Variants in MUC13 observed in about 807,000 individuals in gnomAD.
MUC13 encodes the protein mucin-13.
A neutral mutation model predicts 48.3 loss-of-function variants in MUC13; 32 were observed. The observed-to-expected ratio is 0.66, with a 90% CI of 0.50 to 0.89. MUC13 has a LOEUF of 0.89. MUC13 is among the 40% of genes least tolerant of loss of function. MUC13 has a pLI of 0.00. For synonymous variants in MUC13, 199 were observed against 224.9 expected, an observed-to-expected ratio of 0.88 and a Z score of 1.03; for missense variants, 571 against 622.8, an observed-to-expected ratio of 0.92 and a Z score of 0.88.
chr3:124,913,398 A>G (rs1284147404), intron 7 of MUC13, among the ~76,000 whole-genome samples, 158 bp from the exon 8 acceptor site: 5 of 152,260 alleles, frequency 3.3e-5, no homozygotes, highest in Admixed American at 3.3e-4. Flanking sequence ...GAAGCTGGAC[A>G]TGGGCTAGCA....
intron 9 of MUC13, among the ~76,000 whole-genome samples, chr3:124,911,614 TG>T (rs1935421296): frequency 7.7e-6 from 1 of 130,654 alleles, no homozygotes. Flanking sequence ...CTTAATCTGG[TG>T]GGGGTGGGGC....
At chr3:124,933,991 A>C (rs577844097) in intron 1 of MUC13, among the ~76,000 whole-genome samples, 2 of 152,304 alleles carry the variant, frequency 1.3e-5, no homozygotes, top group South Asian at 2.1e-4. Context: ...ATTCAAGTAC[A>C]TTTGTGAAAG....
chr3:124,912,935 C>CAA (rs1175714352), intron 8 of MUC13, among the ~76,000 whole-genome samples, 176 bp downstream of exon 8: 1,200 of 39,810 alleles, frequency 0.03, 25 homozygotes, highest in Non-Finnish European at 0.045. Context: ...GACTCCATCT[C>CAA]AAAAAAAAAA....
chr3:124,910,116 A>G (rs1160371771), intron 10 of MUC13, among the ~76,000 whole-genome samples: 1 of 152,172 alleles, frequency 6.6e-6, no homozygotes. Flanking sequence ...GAAGACAATT[A>G]AGGTAAGGAA....
At chr3:124,920,040 C>A in intron 5 of MUC13, 194 bp downstream of exon 5, 1 of 635,522 alleles carries the variant, frequency 1.6e-6, no homozygotes, top group Admixed American at 3.2e-5. Flanking sequence ...CCATGCCCTG[C>A]CCAGAGTTGG....
intron 1 of MUC13, among the ~76,000 whole-genome samples, chr3:124,929,778 G>T (rs1935761210): frequency 6.6e-6 from 1 of 152,202 alleles, no homozygotes; most frequent in South Asian, 2.1e-4. Context: ...TAAGGAATTT[G>T]CCCAGAGGCA....
intron 10 of MUC13, among the ~76,000 whole-genome samples, chr3:124,909,485 C>CGTGTGTGTGTGTGTGTGTGT (rs71148156): frequency 2.0e-5 from 3 of 148,342 alleles, no homozygotes; most frequent in Non-Finnish European, 4.5e-5. Context: ...TGTGTGCTTG[C>CGTGTGTGTGTGTGTGTGTGT]GTGTGTGTGT....
intron 5 of MUC13, among the ~76,000 whole-genome samples, chr3:124,917,193 A>G (rs929787446): frequency 1.3e-5 from 2 of 152,124 alleles, no homozygotes; most frequent in South Asian, 4.1e-4. Flanking sequence ...GCCAAGTTTA[A>G]TTATTTCATT....
chr3:124,929,369 T>C (rs1406588940), intron 1 of MUC13, among the ~76,000 whole-genome samples: 1 of 152,032 alleles, frequency 6.6e-6, no homozygotes, highest in Non-Finnish European at 1.5e-5. Flanking sequence ...AACTTTTCCT[T>C]GTCTCTAAGA....
intron 2 of MUC13, among the ~76,000 whole-genome samples, chr3:124,924,577 C>A (rs942121555): frequency 6.6e-6 from 1 of 152,196 alleles, no homozygotes; most frequent in African/African-American, 2.4e-5. Context: ...AACATGCTCT[C>A]TTTTGTGAAT....
At position 124,914,534 on chromosome 3, in the gene MUC13, C is replaced by T. The variant is rs114448194; in HGVS notation, c.965-853G>A. Reference sequence around the variant, plus strand: ...GTAACTGAGCCTCCTTCATCACCTGCCACATGAAAATGCCTCTGATTAAAA... The same window carrying T: ...GTAACTGAGCCTCCTTCATCACCTGTCACATGAAAATGCCTCTGATTAAAA... On this transcript the variant is annotated intron_variant, in intron 6 of 11. Transcript: ENST00000616727. Among the ~76,000 whole-genome samples, 260 of 152,312 alleles carry T rather than the reference C, an allele frequency of 1.7e-3. 1 individual carries two copies. The highest frequency in any genetic ancestry group is 6.0e-3 in the African/African-American group (250 of 41,558).
intron 4 of MUC13, among the ~76,000 whole-genome samples, chr3:124,920,851 T>G (rs1226590875): frequency 6.6e-6 from 1 of 152,222 alleles, no homozygotes; most frequent in Non-Finnish European, 1.5e-5. Flanking sequence ...GCTGGCACAT[T>G]TGAAAGCAGA....
intron 2 of MUC13, 108 bp from the exon 3 acceptor site, chr3:124,923,757 T>G: frequency 9.3e-7 from 1 of 1,073,554 alleles, no homozygotes; most frequent in East Asian, 2.5e-5. Context: ...TTTCCATTCC[T>G]TGCTTGTGTT....
intron 4 of MUC13, 136 bp from the exon 5 acceptor site, chr3:124,920,425 G>A (rs1266300552): frequency 3.0e-6 from 2 of 676,858 alleles, no homozygotes; most frequent in Non-Finnish European, 5.0e-6. Context: ...ATGGACCCTG[G>A]GAGACTTCTT....
intron 1 of MUC13, among the ~76,000 whole-genome samples, chr3:124,929,166 C>G (rs752577861): frequency 2.0e-5 from 3 of 146,594 alleles, no homozygotes; most frequent in Admixed American, 1.4e-4. Flanking sequence ...TTTCTTCCCC[C>G]ACTCTTTTAT....
chr3:124,933,535 AAGG>A (rs1406854348), intron 1 of MUC13, among the ~76,000 whole-genome samples: 1 of 152,152 alleles, frequency 6.6e-6, no homozygotes, highest in Non-Finnish European at 1.5e-5. Flanking sequence ...TTTAAATTCC[AAGG>A]AGAATTATCT....
At chr3:124,911,213 A>C (rs1255179972) in intron 9 of MUC13, among the ~76,000 whole-genome samples, 2 of 152,206 alleles carry the variant, frequency 1.3e-5, no homozygotes, top group African/African-American at 4.8e-5. Flanking sequence ...AATTTCTAAA[A>C]TTTCAAATGA....
intron 1 of MUC13, 30 bp from the exon 2 acceptor site, chr3:124,928,023 A>G: frequency 6.9e-7 from 1 of 1,445,446 alleles, no homozygotes. Context: ...AAGTTTGAGG[A>G]GACAGTACAT....
intron 2 of MUC13, among the ~76,000 whole-genome samples, chr3:124,926,114 G>T (rs1349607437): frequency 6.6e-6 from 1 of 152,192 alleles, no homozygotes; most frequent in Non-Finnish European, 1.5e-5. Context: ...GGAAGAATGT[G>T]TCTCCTTCTG....
Sources: allele counts gnomAD v4.1 joint callset (sites outside exome capture counted in the v4.1 genomes callset), GRCh38; gene constraint gnomAD v4.1.1; transcripts MANE v1.5; gene names NCBI Gene and HGNC (gene_info 2026-07-23, HGNC 2026-07-21).